The following SESN3 variants were observed in gnomAD, a reference collection of about 807,000 sequenced individuals.
The protein encoded by SESN3 is sestrin-3.
A neutral mutation model predicts 55.3 loss-of-function variants in SESN3; 21 were observed. That is an observed-to-expected ratio of 0.38 (90% CI 0.27 to 0.55). The LOEUF is 0.55. Among genes scored for constraint, SESN3 ranks in the 20% least tolerant of loss-of-function variants. SESN3 has a pLI of 0.76. For missense variants in SESN3, 408 were observed against 604.3 expected (o/e 0.68, Z 3.41); for synonymous variants, 181 against 203.1 (o/e 0.89, Z 0.93).
At chr11:95,193,143 T>C (rs1389570401) in intron 2 of SESN3, among the ~76,000 whole-genome samples, 2 of 151,876 alleles carry the variant, frequency 1.3e-5, no homozygotes, top group African/African-American at 2.4e-5. Context: ...GCTCCCGAAA[T>C]GTTACTGTCA....
rs1055343667 is a variant in SESN3 at position 95,172,120 on chromosome 11, CA to C, written c.*1134del. The C allele has an allele frequency of 1.3e-5, 2 of 152,034 alleles. No individual in the cohort carries two copies. The highest frequency in any genetic ancestry group is 2.9e-5 in the Non-Finnish European group (2 of 67,982). 9.4% of individuals were successfully genotyped at this position (152,034 alleles called of 1,614,324 possible). ...AAAGGACACTTTTGCAGTGATATGA[CA>C]GGGGGAAAGTTTAGTTGAGTATTTT... On this transcript the variant is annotated 3_prime_UTR_variant, in exon 10 of 10. Transcript: ENST00000536441.
intron 1 of SESN3, among the ~76,000 whole-genome samples, chr11:95,200,068 T>C (rs763436748): frequency 6.6e-6 from 1 of 152,040 alleles, no homozygotes; most frequent in Non-Finnish European, 1.5e-5. Context: ...AGAAAGCCAA[T>C]TGAAATGGTC....
intron 1 of SESN3, among the ~76,000 whole-genome samples, chr11:95,197,463 A>G (rs1249379208): frequency 8.5e-6 from 1 of 118,250 alleles, no homozygotes; most frequent in Non-Finnish European, 1.7e-5. Flanking sequence ...TTTTTTTTTG[A>G]GACAGAGTTT....
chr11:95,230,566 AC>A lies in SESN3; in HGVS notation c.78+216del. 1.9e-6 allele frequency: 1 copy of A among 534,800 alleles called. No individual in the cohort carries two copies. The highest frequency in any genetic ancestry group is 3.3e-6 in the Non-Finnish European group (1 of 304,570). The allele number at this position is 534,800 out of a possible 1,614,324, so 33.1% of individuals were successfully genotyped here. A position where few individuals can be genotyped will look rare whatever the true frequency, so the allele number is the denominator to read the frequency against. On this transcript the variant is annotated intron_variant, in intron 1 of 9. Coordinates refer to ENST00000536441, the MANE Select transcript of SESN3 (RefSeq NM_144665.4). This position sits in a 1 kb window ranked among gnomAD's most constrained non-coding sequence, Gnocchi z 4.6. Reference sequence around the variant, plus strand: ...GAACAAGGGAAGAAAAAATATCCCAACCCCTCCAGACTTGGGTCTGTCCCGG... The same window carrying A: ...GAACAAGGGAAGAAAAAATATCCCAACCCTCCAGACTTGGGTCTGTCCCGG...
chr11:95,207,110 ATC>A (rs961807469), intron 1 of SESN3, among the ~76,000 whole-genome samples: 5 of 152,166 alleles, frequency 3.3e-5, no homozygotes, highest in Non-Finnish European at 7.4e-5. Context: ...CTGAAAGGAC[ATC>A]TGTGAACACC....
chr11:95,217,178 C>G (rs893340835), intron 1 of SESN3, among the ~76,000 whole-genome samples: 4 of 151,074 alleles, frequency 2.6e-5, no homozygotes, highest in African/African-American at 9.7e-5. Flanking sequence ...TTTTTTAAAA[C>G]CACATGTGTT....
rs555431390 is a variant in SESN3, at chr11:95,191,372, T to C, written c.342+32A>G. ...AGGGAGAAAGAATAAGTGAGGAAGG[T>C]GTTATGTGAACATAGGAAAATAAGC... On this transcript the variant is annotated intron_variant, in intron 3 of 9. Coordinates refer to ENST00000536441, the MANE Select transcript of SESN3 (RefSeq NM_144665.4). 8.6e-5 allele frequency: 126 copies of C among 1,469,658 alleles called. 1 individual carries two copies. The South Asian group carries it at 1.3e-3, about 15-fold the overall frequency. 91.0% of individuals were successfully genotyped at this position (1,469,658 alleles called of 1,614,324 possible). A position where few individuals can be genotyped will look rare whatever the true frequency, so the allele number is the denominator to read the frequency against.
chr11:95,186,808 TAA>T (rs1591053159), intron 4 of SESN3, among the ~76,000 whole-genome samples: 1 of 151,716 alleles, frequency 6.6e-6, no homozygotes, highest in East Asian at 1.9e-4. Flanking sequence ...ATAATGTAAA[TAA>T]AGAGGGTCAT....
At chr11:95,221,395 T>C (rs1197695571) in intron 1 of SESN3, among the ~76,000 whole-genome samples, 3 of 152,230 alleles carry the variant, frequency 2.0e-5, no homozygotes, top group Non-Finnish European at 4.4e-5. Flanking sequence ...GTGATCTTTC[T>C]AATATTTAGC....
rs1318902387 is a variant in SESN3 at position 95,230,835 on chromosome 11, G to A, written c.26C>T (p.Ser9Leu). 4 of 1,585,088 alleles carry A rather than the reference G, an allele frequency of 2.5e-6. No individual in the cohort carries two copies. Among genetic ancestry groups the A allele is most frequent in the South Asian group, 1.1e-5 (1 of 89,142 alleles). MNRGGGSP[S>L]AAANYLLCTN... ...ACAGAGCAGGTAGTTGGCGGCGGCC[G>A]ACGGGCTGCCGCCGCCCCGGTTCAT... The change falls in exon 1 of 10, where the codon TCG (serine) becomes TTG (leucine). Residue 9 changes from serine (S) to leucine (L), a missense_variant. Around this residue, in one of 4 missense-constraint regions of SESN3, gnomAD observed 61 missense variants for 48.3 expected, o/e 1.26. Transcript: ENST00000536441. The surrounding 1 kb of genome is among the most constrained non-coding windows in gnomAD (Gnocchi z 4.6).
chr11:95,207,415 A>C (rs1355312583), intron 1 of SESN3, among the ~76,000 whole-genome samples: 1 of 151,516 alleles, frequency 6.6e-6, no homozygotes, highest in African/African-American at 2.4e-5. Context: ...TAGCACTGAA[A>C]GGATCAGAGC....
chr11:95,169,813 TG>T lies in SESN3; in HGVS notation c.*3441del, dbSNP rs1197309512. The T allele has an allele frequency of 1.3e-5, 2 of 152,172 alleles. No individual in the cohort carries two copies. The highest frequency in any genetic ancestry group is 4.8e-5 in the African/African-American group (2 of 41,460). The allele number at this position is 152,172 out of a possible 1,614,324, so 9.4% of individuals were successfully genotyped here. A position where few individuals can be genotyped will look rare whatever the true frequency, so the allele number is the denominator to read the frequency against. ...TTTATAAGGGGGAAAAGGAAAAAGT[TG>T]CTCTGGAATAATAATTAGCTTTTAG... On this transcript the variant is annotated 3_prime_UTR_variant, in exon 10 of 10. Coordinates refer to ENST00000536441, the MANE Select transcript of SESN3 (RefSeq NM_144665.4).
At chr11:95,223,133 T>G (rs1361611956) in intron 1 of SESN3, among the ~76,000 whole-genome samples, 2 of 152,104 alleles carry the variant, frequency 1.3e-5, no homozygotes, top group Admixed American at 6.6e-5. Flanking sequence ...TCATAGCTTT[T>G]GTGTATAGTG....
intron 1 of SESN3, among the ~76,000 whole-genome samples, chr11:95,221,717 CT>C (rs1345263224): frequency 1.3e-5 from 2 of 152,160 alleles, no homozygotes; most frequent in Non-Finnish European, 2.9e-5. Context: ...GGTTAAATGC[CT>C]GTCATACCTT....
intron 1 of SESN3, among the ~76,000 whole-genome samples, chr11:95,198,146 T>C (rs2134241734): frequency 6.6e-6 from 1 of 152,244 alleles, no homozygotes; most frequent in East Asian, 1.9e-4. Context: ...TAAGTCATCC[T>C]TTCCACACCC....
intron 1 of SESN3, among the ~76,000 whole-genome samples, chr11:95,195,082 A>T (rs1860336503): frequency 6.6e-6 from 1 of 152,180 alleles, no homozygotes; most frequent in South Asian, 2.1e-4. Flanking sequence ...AGGGAGATAA[A>T]TCGAAATCTT....
At position 95,209,073 on chromosome 11, in the gene SESN3, A is replaced by G. The variant is rs551939671; in HGVS notation, c.79-15551T>C. ...ACAAAAGCCAAAATAGACAAATGGG[A>G]TCTAATTAAACTAAAGAGCTTCTGC... On this transcript the variant is annotated intron_variant, in intron 1 of 9. Coordinates refer to ENST00000536441, the MANE Select transcript of SESN3 (RefSeq NM_144665.4). Among the ~76,000 whole-genome samples the G allele has an allele frequency of 1.1e-4, 16 of 151,706 alleles. 1 individual carries two copies. In the East Asian group the frequency reaches 2.9e-3, roughly 27 times the overall value.
rs754011586 is a variant in SESN3 at position 95,184,605 on chromosome 11, A to G, written c.763-11T>C. The G allele has an allele frequency of 2.9e-5, 46 of 1,609,720 alleles. No homozygotes were observed. The highest frequency in any genetic ancestry group is 1.3e-4 in the Admixed American group (8 of 59,486). On this transcript the variant is annotated splice_polypyrimidine_tract_variant and intron_variant, in intron 5 of 9. Transcript: ENST00000536441. Reference sequence around the variant, plus strand: ...TAGAGAATCCACAATCTGGAAACAGATAAGATAATGTTGGGTGCTATTCAT... The same window carrying G: ...TAGAGAATCCACAATCTGGAAACAGGTAAGATAATGTTGGGTGCTATTCAT...
chr11:95,224,477 G>T (rs1843544396), intron 1 of SESN3: 1 of 436,620 alleles, frequency 2.3e-6, no homozygotes, highest in Admixed American at 2.6e-5. Context: ...CTAATTGGCT[G>T]CTCTTGGCTG....
Sources: gnomAD v4.1 joint callset for allele counts (sites outside exome capture counted in the v4.1 genomes callset) on GRCh38, gnomAD v4.1.1 for gene constraint, gnomAD v4.1.1 regional missense constraint, Gnocchi (gnomAD v3.1) non-coding constraint, MANE v1.5 for transcripts, NCBI Gene and HGNC (gene_info 2026-07-23, HGNC 2026-07-21) for gene names.